The following DGKI variants were observed in gnomAD, a reference collection of about 807,000 sequenced individuals.
DGKI encodes the protein diacylglycerol kinase iota, also known as DAG kinase iota.
In DGKI, 55 loss-of-function variants were observed where a neutral mutation model predicts 147.5. The ratio of observed to expected loss-of-function variants is 0.37; its 90% CI spans 0.30 to 0.47. DGKI has a LOEUF of 0.47. DGKI is among the 20% of genes least tolerant of loss of function. The pLI, the probability that DGKI is intolerant of heterozygous loss-of-function variation, is 1.00. For missense variants in DGKI, 1,007 were observed against 1,323.8 expected (o/e 0.76, Z 3.71); for synonymous variants, 469 against 477.1 (o/e 0.98, Z 0.22).
intron 6 of DGKI, among the ~76,000 whole-genome samples, chr7:137,633,984 G>A (rs2129002819): frequency 6.6e-6 from 1 of 152,308 alleles, no homozygotes; most frequent in Admixed American, 6.5e-5. Context: ...CAGAGGTCCT[G>A]GTGAGAAGAA....
At position 137,579,146 on chromosome 7, in the gene DGKI, C is replaced by A. The variant is rs1819089747; in HGVS notation, c.1643-821G>T. ...TACCTCATAGATTCTACTATCCAAG[C>A]TTATTTTTTTCACAATGGCTTTCAT... On this transcript the variant is annotated intron_variant, in intron 15 of 32. Coordinates refer to ENST00000614521, the MANE Select transcript of DGKI (RefSeq NM_001321708.2). Among the ~76,000 whole-genome samples the A allele has an allele frequency of 2.6e-5, 4 of 152,076 alleles. No homozygotes were observed. In the South Asian group the frequency reaches 8.3e-4, roughly 31 times the overall value.
At chr7:137,795,423 GAATTATCCTCATT>G (rs1796990680) in intron 1 of DGKI, among the ~76,000 whole-genome samples, 1 of 152,158 alleles carries the variant, frequency 6.6e-6, no homozygotes, top group Admixed American at 6.5e-5. Flanking sequence ...CATTCACATG[GAATTATCCTCATT>G]TGACCTAAGT....
chr7:137,402,160 AG>A (rs1302430745), intron 30 of DGKI, among the ~76,000 whole-genome samples: 1 of 152,240 alleles, frequency 6.6e-6, no homozygotes. Flanking sequence ...TGATTGTTAC[AG>A]AAACTTTTTT....
chr7:137,518,965 T>A (rs1054507255), intron 21 of DGKI, among the ~76,000 whole-genome samples: 1 of 152,086 alleles, frequency 6.6e-6, no homozygotes, highest in Non-Finnish European at 1.5e-5. Flanking sequence ...TTTCTCTTTA[T>A]GTTCTACCTC....
intron 21 of DGKI, among the ~76,000 whole-genome samples, chr7:137,504,033 T>C (rs1224319337): frequency 1.3e-5 from 2 of 152,028 alleles, no homozygotes; most frequent in Non-Finnish European, 2.9e-5. Flanking sequence ...TACAAGGAGA[T>C]GAGGGGAATC....
In DGKI at chr7:137,465,658, T is replaced by C. The variant is rs551455441; in HGVS notation, c.2612+250A>G. Among the ~76,000 whole-genome samples, 4 of 152,324 alleles carry C rather than the reference T, an allele frequency of 2.6e-5. No individual in the cohort carries two copies. In the South Asian group the frequency reaches 8.3e-4, roughly 32 times the overall value. Reference sequence around the variant, plus strand: ...GTACAAGCACAAACACAAGTACTAGTGCTTTCTAGGTTTGTTAGGAAGGGT... The same window carrying C: ...GTACAAGCACAAACACAAGTACTAGCGCTTTCTAGGTTTGTTAGGAAGGGT... On this transcript the variant is annotated intron_variant, in intron 26 of 32. Transcript: ENST00000614521.
intron 1 of DGKI, among the ~76,000 whole-genome samples, chr7:137,745,078 G>A (rs1179784490): frequency 1.3e-5 from 2 of 151,904 alleles, no homozygotes; most frequent in African/African-American, 4.8e-5. Flanking sequence ...ATCTATACAC[G>A]TGCCCCCTGA....
intron 1 of DGKI, among the ~76,000 whole-genome samples, chr7:137,750,268 G>A (rs1795457512): frequency 6.6e-6 from 1 of 152,142 alleles, no homozygotes; most frequent in South Asian, 2.1e-4. Context: ...AGGTAGTGCT[G>A]AGGCCTAGAT....
intron 6 of DGKI, among the ~76,000 whole-genome samples, chr7:137,626,494 G>C (rs1757593928): frequency 6.6e-6 from 1 of 152,166 alleles, no homozygotes; most frequent in Admixed American, 6.5e-5. Flanking sequence ...ACAGAGTCTA[G>C]TGGGCCAAAG....
At chr7:137,528,751 G>A (rs1333543263) in intron 20 of DGKI, among the ~76,000 whole-genome samples, 2 of 152,038 alleles carry the variant, frequency 1.3e-5, no homozygotes, top group African/African-American at 4.8e-5. Context: ...TCTTCAAGTG[G>A]CTATTCTAAG....
intron 1 of DGKI, among the ~76,000 whole-genome samples, chr7:137,739,491 G>A (rs1745401861): frequency 1.3e-5 from 2 of 152,058 alleles, no homozygotes; most frequent in African/African-American, 2.4e-5. Flanking sequence ...GAAAAATAAC[G>A]ACTAGACCTC....
At chr7:137,710,768 A>G (rs1794185657) in intron 1 of DGKI, among the ~76,000 whole-genome samples, 1 of 152,132 alleles carries the variant, frequency 6.6e-6, no homozygotes, top group Admixed American at 6.5e-5. Context: ...AAATCCTAGA[A>G]GGAAAATATT....
At chr7:137,734,655 C>T (rs1165428118) in intron 1 of DGKI, among the ~76,000 whole-genome samples, 1 of 151,986 alleles carries the variant, frequency 6.6e-6, no homozygotes, top group Non-Finnish European at 1.5e-5. Context: ...TTGACTGCTA[C>T]CTCAAGAGAA....
intron 1 of DGKI, among the ~76,000 whole-genome samples, chr7:137,807,925 T>C (rs1010766046): frequency 7.9e-5 from 12 of 152,144 alleles, no homozygotes; most frequent in Non-Finnish European, 1.2e-4. Context: ...CCATTTTTCC[T>C]CCAGAGCGAA....
intron 23 of DGKI, among the ~76,000 whole-genome samples, chr7:137,477,522 A>C (rs1293509827): frequency 6.6e-6 from 1 of 152,230 alleles, no homozygotes; most frequent in Non-Finnish European, 1.5e-5. Flanking sequence ...ATAGAGTGAT[A>C]ATTTTTAAAG....
At chr7:137,427,119 A>G (rs1302536158) in intron 28 of DGKI, among the ~76,000 whole-genome samples, 1 of 152,044 alleles carries the variant, frequency 6.6e-6, no homozygotes, top group African/African-American at 2.4e-5. Flanking sequence ...ACCACCCCAC[A>G]CCTATTCCAA....
intron 1 of DGKI, among the ~76,000 whole-genome samples, chr7:137,795,344 C>T (rs113151389): frequency 2.1e-4 from 32 of 152,088 alleles, no homozygotes; most frequent in South Asian, 8.3e-4. Flanking sequence ...GGTTTGGATC[C>T]GCCACAAAAG....
intron 1 of DGKI, among the ~76,000 whole-genome samples, chr7:137,825,179 G>T (rs1339802751): frequency 2.0e-5 from 3 of 152,082 alleles, no homozygotes; most frequent in Non-Finnish European, 1.5e-5. Context: ...CTTAAGTCTT[G>T]CTTATATATT....
chr7:137,531,286 C>T (rs879654895), intron 20 of DGKI, among the ~76,000 whole-genome samples: 7 of 152,178 alleles, frequency 4.6e-5, no homozygotes, highest in Non-Finnish European at 7.4e-5. Flanking sequence ...TGTCTTTCAT[C>T]ACATCAGGCC....
Sources: allele counts gnomAD v4.1 joint callset (sites outside exome capture counted in the v4.1 genomes callset), GRCh38; gene constraint gnomAD v4.1.1; transcripts MANE v1.5; gene names NCBI Gene and HGNC (gene_info 2026-07-23, HGNC 2026-07-21).